Variants in TRIO observed in about 807,000 individuals in gnomAD.
TRIO encodes the protein triple functional domain protein.
TRIO carries 58 observed loss-of-function variants against 351.9 expected under a neutral mutation model. The observed-to-expected ratio is 0.16, with a 90% CI of 0.13 to 0.21. The LOEUF is 0.21. Among genes scored for constraint, TRIO ranks in the 10% least tolerant of loss-of-function variants. The pLI, the probability that TRIO is intolerant of heterozygous loss-of-function variation, is 1.00. For synonymous variants in TRIO, 1,758 were observed against 1,595.7 expected (o/e 1.10, Z -2.42); for missense variants, 3,201 against 4,027.8 (o/e 0.79, Z 5.56).
At position 14,475,895 on chromosome 5, in the gene TRIO, T is replaced by C. The variant is rs144000368; in HGVS notation, c.6084-999T>C. On this transcript the variant is annotated intron_variant, in intron 40 of 56. Coordinates refer to ENST00000344204, the MANE Select transcript of TRIO (RefSeq NM_007118.4). The stretch of plus-strand genomic sequence containing the variant: ...CATGGTGGTTTATGAGTTAATGTAA[T>C]ACCAAATATTAACATAAATAAAAAT... 5.7e-3 allele frequency among the ~76,000 whole-genome samples: 867 copies of C among 152,274 alleles called. 8 individuals are homozygous for C. The highest frequency in any genetic ancestry group is 0.02 in the African/African-American group (819 of 41,540).
At chr5:14,293,167 G>A (rs759526880) in intron 6 of TRIO, 33 bp downstream of exon 6, 1 of 1,613,452 alleles carries the variant, frequency 6.2e-7, no homozygotes, top group African/African-American at 1.3e-5. Flanking sequence ...ACCCTGGCAT[G>A]TGACAGTGTT....
At chr5:14,212,307 CA>C (rs1275692871) in intron 1 of TRIO, among the ~76,000 whole-genome samples, 1 of 152,034 alleles carries the variant, frequency 6.6e-6, no homozygotes, top group African/African-American at 2.4e-5. Context: ...CCAGCTCGCC[CA>C]AGTATGTTGA....
At chr5:14,306,479 A>C (rs1170461694) in intron 8 of TRIO, among the ~76,000 whole-genome samples, 1 of 152,192 alleles carries the variant, frequency 6.6e-6, no homozygotes, top group Non-Finnish European at 1.5e-5. Flanking sequence ...GCATTGTCTA[A>C]TTTTGACCTA....
At chr5:14,315,896 T>C (rs1409884077) in intron 8 of TRIO, among the ~76,000 whole-genome samples, 1 of 152,248 alleles carries the variant, frequency 6.6e-6, no homozygotes, top group Non-Finnish European at 1.5e-5. Context: ...TGATGGCATT[T>C]TAATTAAAAC....
At chr5:14,340,467 A>C (rs572168919) in intron 11 of TRIO, among the ~76,000 whole-genome samples, 40 of 152,146 alleles carry the variant, frequency 2.6e-4, no homozygotes, top group African/African-American at 9.6e-4. Context: ...CTTTTTTAGA[A>C]GTTGCTAAAG....
chr5:14,248,470 T>C (rs902915024), intron 1 of TRIO, among the ~76,000 whole-genome samples: 18 of 152,226 alleles, frequency 1.2e-4, no homozygotes, highest in African/African-American at 4.3e-4. Context: ...GAATGGTTAA[T>C]TTTATGTTGA....
intron 56 of TRIO, among the ~76,000 whole-genome samples, 170 bp downstream of exon 56, chr5:14,507,430 C>T (rs572418909): frequency 1.3e-5 from 2 of 152,074 alleles, no homozygotes; most frequent in East Asian, 1.9e-4. Flanking sequence ...TAAGCGTTTG[C>T]GTTCAGTGAT....
At position 14,187,507 on chromosome 5, in the gene TRIO, C is replaced by T. The variant is rs1449453921; in HGVS notation, c.157+43625C>T. Among the ~76,000 whole-genome samples, 2 of 152,134 alleles carry T rather than the reference C, an allele frequency of 1.3e-5. 1 individual carries two copies. The highest frequency in any genetic ancestry group is 4.1e-4 in the South Asian group (2 of 4,820). On this transcript the variant is annotated intron_variant, in intron 1 of 56. Coordinates refer to ENST00000344204, the MANE Select transcript of TRIO (RefSeq NM_007118.4). ...CCCCATAATTGACTCTCAGTCAGTA[C>T]CTTTGACTCTGTTTTTGAAAACCAT...
Position 14,286,998 on chromosome 5 carries a change from A to G in TRIO, c.475A>G (p.Ile159Val). The G allele has an allele frequency of 6.2e-7, 1 of 1,614,206 alleles. No homozygotes were observed. The highest frequency in any genetic ancestry group is 1.1e-5 in the South Asian group (1 of 91,082). The change falls in exon 4 of 57, where the codon ATC (isoleucine) becomes GTC (valine). Residue 159 changes from isoleucine (I) to valine (V), a missense_variant. Physicochemically the swap from Ile to Val is conservative, Grantham distance 29. Coordinates refer to ENST00000344204, the MANE Select transcript of TRIO (RefSeq NM_007118.4). This position sits in a 1 kb window ranked among gnomAD's most constrained non-coding sequence, Gnocchi z 4.4. Reference sequence around the variant, plus strand: ...CTGCTGCATCCATGTGGCCCTGATCATCAAGCCAGACAACTTCTGGCAGAA... The same window carrying G: ...CTGCTGCATCCATGTGGCCCTGATCGTCAAGCCAGACAACTTCTGGCAGAA... Reference protein sequence around the residue: ...FPCCIHVALIIKPDNFWQKQR... With the variant: ...FPCCIHVALIVKPDNFWQKQR...
chr5:14,406,318 T>C, intron 32 of TRIO: 1 of 562,088 alleles, frequency 1.8e-6, no homozygotes. Flanking sequence ...GTTTTCTCAT[T>C]TTTAAAATGG....
At chr5:14,342,338 G>A (rs193052307) in intron 11 of TRIO, among the ~76,000 whole-genome samples, 1 of 152,328 alleles carries the variant, frequency 6.6e-6, no homozygotes, top group African/African-American at 2.4e-5. Flanking sequence ...TCTTTCCCTT[G>A]CAGAGCTGGA....
At chr5:14,321,838 T>C (rs1163107804) in intron 9 of TRIO, among the ~76,000 whole-genome samples, 3 of 152,170 alleles carry the variant, frequency 2.0e-5, no homozygotes, top group African/African-American at 7.2e-5. Context: ...ATAAGTCTTG[T>C]GAAATCTGAT....
At chr5:14,307,863 A>T (rs1738515376) in intron 8 of TRIO, among the ~76,000 whole-genome samples, 1 of 152,110 alleles carries the variant, frequency 6.6e-6, no homozygotes, top group African/African-American at 2.4e-5. Context: ...AATGAGCTGT[A>T]TTTCCTTTCT....
chr5:14,209,600 T>C (rs371301185), intron 1 of TRIO, among the ~76,000 whole-genome samples: 5 of 152,356 alleles, frequency 3.3e-5, no homozygotes, highest in African/African-American at 9.6e-5. Flanking sequence ...TTGACTCTTC[T>C]GTATGGCCTT....
intron 1 of TRIO, among the ~76,000 whole-genome samples, chr5:14,251,522 G>C (rs369918116): frequency 5.0e-4 from 76 of 152,372 alleles, no homozygotes; most frequent in African/African-American, 1.8e-3. Flanking sequence ...CGCTGGGCCT[G>C]TGCATCTGTT....
Position 14,481,376 on chromosome 5 carries a change from G to A in TRIO, c.6387+92G>A. The A allele has an allele frequency of 2.6e-6, 4 of 1,550,342 alleles. No individual in the cohort carries two copies. In the South Asian group the frequency reaches 4.6e-5, roughly 18 times the overall value. Reference sequence around the variant, plus strand: ...TCCTAACAGTGGTCTGGCCCTGGGAGGGGGTCAAAGCAGTGGATGACAGAG... The same window carrying A: ...TCCTAACAGTGGTCTGGCCCTGGGAAGGGGTCAAAGCAGTGGATGACAGAG... On this transcript the variant is annotated intron_variant, in intron 44 of 56. Coordinates refer to ENST00000344204, the MANE Select transcript of TRIO (RefSeq NM_007118.4).
chr5:14,281,802 G>T (rs77246306), intron 3 of TRIO, among the ~76,000 whole-genome samples: 1 of 152,196 alleles, frequency 6.6e-6, no homozygotes, highest in East Asian at 1.9e-4. Context: ...GAGAAAACTC[G>T]GCCATAATAT....
chr5:14,297,372 G>T (rs545207190), intron 7 of TRIO, 109 bp downstream of exon 7: 3 of 1,268,948 alleles, frequency 2.4e-6, no homozygotes, highest in Non-Finnish European at 3.2e-6. Context: ...TGTGAGCTCC[G>T]CATGTGAGCT....
chr5:14,347,572 G>GTGT (rs762729021), intron 11 of TRIO, among the ~76,000 whole-genome samples: 4 of 152,260 alleles, frequency 2.6e-5, no homozygotes, highest in Non-Finnish European at 4.4e-5. Flanking sequence ...CTACTTTGCT[G>GTGT]TGTTAAGCGC....
Sources: allele counts gnomAD v4.1 joint callset (sites outside exome capture counted in the v4.1 genomes callset), GRCh38; gene constraint gnomAD v4.1.1; non-coding constraint Gnocchi (gnomAD v3.1); transcripts MANE v1.5; gene names NCBI Gene and HGNC (gene_info 2026-07-23, HGNC 2026-07-21).